CD82: variants seen among roughly 807,000 people sequenced by gnomAD.
CD82 encodes the protein CD82 antigen.
Under a neutral mutation model 37.4 loss-of-function variants are expected in CD82, and 36 were observed. The ratio of observed to expected loss-of-function variants is 0.96; its 90% CI spans 0.74 to 1.27. The LOEUF is 1.27. Ranked by LOEUF, CD82 falls within the 50% of genes most tolerant of loss-of-function variation. The probability of loss-of-function intolerance (pLI) is 0.00; values close to 1 mark genes in which losing one functional copy is unlikely to be tolerated. For missense variants in CD82, 340 were observed against 347.0 expected, an observed-to-expected ratio of 0.98 and a Z score of 0.16; for synonymous variants, 158 against 137.4, an observed-to-expected ratio of 1.15 and a Z score of -1.05.
intron 7 of CD82, 94 bp from the exon 8 acceptor site, chr11:44,618,068 A>G: frequency 9.6e-7 from 1 of 1,046,102 alleles, no homozygotes; most frequent in Non-Finnish European, 1.4e-6. Context: ...GGCATATCTC[A>G]GTCTCTGTCC....
At chr11:44,600,343 C>T in intron 4 of CD82, 113 bp downstream of exon 4, 9 of 993,164 alleles carry the variant, frequency 9.1e-6, no homozygotes, top group Non-Finnish European at 1.4e-5. Flanking sequence ...GCTTTTCCCG[C>T]TGACCTCAGG....
In CD82 at chr11:44,615,332, G is replaced by A. The variant is rs746166676; in HGVS notation, c.397G>A (p.Glu133Lys). The change falls in exon 7 of 10, where the codon GAG becomes AAG. Residue 133 changes from glutamate (E) to lysine (K), a missense_variant. Coordinates refer to ENST00000227155, the MANE Select transcript of CD82 (RefSeq NM_002231.4). ...ELIRDYNSSREDSLQDAWDYV... is the reference protein window; with the variant it reads ...ELIRDYNSSRKDSLQDAWDYV... ...CATTCGAGACTACAACAGCAGTCGC[G>A]AGGACAGCCTGCAGGATGCCTGGGA... The A allele has an allele frequency of 9.0e-5, 146 of 1,613,690 alleles. No homozygotes were observed. The highest frequency in any genetic ancestry group is 1.6e-4 in the Middle Eastern group (1 of 6,080).
chr11:44,564,738 G>T (rs145067911), upstream of CD82, among the ~76,000 whole-genome samples: 7 of 152,320 alleles, frequency 4.6e-5, no homozygotes, highest in African/African-American at 1.4e-4. Context: ...CCCAGCACTG[G>T]TTGTTCTGGG....
chr11:44,583,547 CG>C (rs1216085238), intron 1 of CD82, among the ~76,000 whole-genome samples: 3 of 152,058 alleles, frequency 2.0e-5, no homozygotes, highest in African/African-American at 7.2e-5. Context: ...AGGCAGCAGG[CG>C]GCAGAGGTGT....
intron 6 of CD82, among the ~76,000 whole-genome samples, chr11:44,610,782 T>G (rs1021963692): frequency 6.6e-6 from 1 of 152,226 alleles, no homozygotes; most frequent in Non-Finnish European, 1.5e-5. Flanking sequence ...TCCTCGGCAT[T>G]CAACCTATGC....
At chr11:44,595,918 A>AAAAAG (rs1169353610) in intron 3 of CD82, among the ~76,000 whole-genome samples, 1 of 151,708 alleles carries the variant, frequency 6.6e-6, no homozygotes, top group African/African-American at 2.4e-5. Flanking sequence ...CAAAAAAAAA[A>AAAAAG]AAAAAAAAAA....
chr11:44,600,534 A>T (rs560649562), intron 4 of CD82, among the ~76,000 whole-genome samples: 1 of 152,224 alleles, frequency 6.6e-6, no homozygotes, highest in Admixed American at 6.5e-5. Flanking sequence ...AAAGCCTCTT[A>T]CATTCTCTGT....
At chr11:44,601,178 TC>T (rs772155560) in intron 4 of CD82, among the ~76,000 whole-genome samples, 5 of 152,072 alleles carry the variant, frequency 3.3e-5, no homozygotes, top group Non-Finnish European at 5.9e-5. Flanking sequence ...GGCTCACTTC[TC>T]CCAGCAGCTG....
chr11:44,590,943 G>T (rs1853137004), intron 2 of CD82, among the ~76,000 whole-genome samples: 1 of 152,234 alleles, frequency 6.6e-6, no homozygotes, highest in Admixed American at 6.5e-5. Context: ...GCCTGTGTGG[G>T]ATTGCCCATC....
intron 1 of CD82, among the ~76,000 whole-genome samples, chr11:44,580,665 A>T (rs1035020698): frequency 6.6e-6 from 1 of 152,180 alleles, no homozygotes; most frequent in South Asian, 2.1e-4. Context: ...GTGAGCCAAG[A>T]TCATGCCACT....
intron 1 of CD82, among the ~76,000 whole-genome samples, chr11:44,571,030 C>A (rs1456696683): frequency 6.6e-6 from 1 of 152,170 alleles, no homozygotes; most frequent in Non-Finnish European, 1.5e-5. Flanking sequence ...GCCGCCCCAC[C>A]CCGCAACTTG....
chr11:44,585,949 G>T (rs1295176253), intron 1 of CD82, among the ~76,000 whole-genome samples: 3 of 152,216 alleles, frequency 2.0e-5, no homozygotes, highest in African/African-American at 7.2e-5. Context: ...CAGGTTGAAA[G>T]ATGGTGCAGG....
At chr11:44,577,668 G>A (rs1565081105) in intron 1 of CD82, among the ~76,000 whole-genome samples, 1 of 152,118 alleles carries the variant, frequency 6.6e-6, no homozygotes, top group East Asian at 1.9e-4. Flanking sequence ...GAAAAGTAAG[G>A]AAGCTACTTT....
chr11:44,615,311 C>CGAGACTACAACAGCA lies in CD82; in HGVS notation c.378_392dup (p.Arg126_Ser130dup), dbSNP rs753814217. ...GGGCGGCATCGTGACTGAGCTCATT[C>CGAGACTACAACAGCA]GAGACTACAACAGCAGTCGCGAGGA... On this transcript the variant is annotated inframe_insertion, in exon 7 of 10. Coordinates refer to ENST00000227155, the MANE Select transcript of CD82 (RefSeq NM_002231.4). The CGAGACTACAACAGCA allele has an allele frequency of 1.2e-6, 2 of 1,613,526 alleles. No individual in the cohort carries two copies. Among genetic ancestry groups the CGAGACTACAACAGCA allele is most frequent in the South Asian group, 2.2e-5 (2 of 91,072 alleles).
At chr11:44,595,216 G>A (rs902784702) in intron 3 of CD82, among the ~76,000 whole-genome samples, 5 of 151,992 alleles carry the variant, frequency 3.3e-5, no homozygotes, top group African/African-American at 9.7e-5. Context: ...AGGGCGCCAG[G>A]CGTGGGGCCA....
rs781684485 is a variant in CD82 at position 44,605,398 on chromosome 11, C to A, written c.305C>A (p.Ala102Asp). ...CTGATCCTCATTGCCCAGGTGACGG[C>A]CGGGGCCCTCTTCTACTTCAACATG... is the stretch of plus-strand genomic sequence containing the variant. ...LLLILIAQVT[A>D]GALFYFNMGK... Residue 102 changes from alanine (A) to aspartate (D), a missense_variant, in exon 6 of 10, where the codon GCC (alanine) becomes GAC (aspartate). Ala to Asp is a moderately radical substitution (Grantham distance 126, BLOSUM62 -2). Coordinates refer to ENST00000227155, the MANE Select transcript of CD82 (RefSeq NM_002231.4). 11 of 1,614,234 alleles carry A rather than the reference C, an allele frequency of 6.8e-6. No individual in the cohort carries two copies. The highest frequency in any genetic ancestry group is 9.3e-6 in the Non-Finnish European group (11 of 1,180,046).
intron 6 of CD82, among the ~76,000 whole-genome samples, chr11:44,610,491 C>T (rs1194485080): frequency 6.6e-6 from 1 of 152,196 alleles, no homozygotes; most frequent in African/African-American, 2.4e-5. Flanking sequence ...AAGGTCTCTC[C>T]TAACTCTGAC....
chr11:44,588,238 T>TTTG (rs1161788251), intron 2 of CD82, among the ~76,000 whole-genome samples: 1 of 151,176 alleles, frequency 6.6e-6, no homozygotes, highest in African/African-American at 2.4e-5. Context: ...TTTTTTGTTT[T>TTTG]TTTTAGGTGG....
At chr11:44,583,450 A>G (rs954145491) in intron 1 of CD82, among the ~76,000 whole-genome samples, 3 of 152,230 alleles carry the variant, frequency 2.0e-5, no homozygotes, top group Non-Finnish European at 4.4e-5. Flanking sequence ...GGAATGTCCC[A>G]GTCAGGATTA....
Sources: gnomAD v4.1 joint callset for allele counts (sites outside exome capture counted in the v4.1 genomes callset) on GRCh38, gnomAD v4.1.1 for gene constraint, MANE v1.5 for transcripts, NCBI Gene and HGNC (gene_info 2026-07-23, HGNC 2026-07-21) for gene names.